The following ARB2A variants were observed in gnomAD, a reference collection of about 807,000 sequenced individuals.
ARB2A encodes cotranscriptional regulator ARB2A.
At chr5:93,620,170 G>A in the ARB2A span, 1 of 152,268 alleles carries the variant, frequency 6.6e-6, no homozygotes, top group South Asian at 2.1e-4. Context: ...ATAACAGTTG[G>A]AAATTCCATT....
At chr5:93,963,127 T>TA in the ARB2A span, among the ~76,000 whole-genome samples, 2 of 151,920 alleles carry the variant, frequency 1.3e-5, no homozygotes, top group African/African-American at 2.4e-5. Context: ...GAAATAAAAT[T>TA]AACAAGAAAG....
At chr5:93,900,984 CA>C in the ARB2A span, among the ~76,000 whole-genome samples, 1 of 152,068 alleles carries the variant, frequency 6.6e-6, no homozygotes, top group African/African-American at 2.4e-5. Context: ...TGTCATATTC[CA>C]AACTTTCTGG....
the ARB2A span, among the ~76,000 whole-genome samples, chr5:93,851,484 G>C: frequency 2.0e-5 from 3 of 152,042 alleles, no homozygotes; most frequent in Non-Finnish European, 4.4e-5. Flanking sequence ...TTAAGTTTTA[G>C]GGTACATGTG....
the ARB2A span, among the ~76,000 whole-genome samples, chr5:93,790,781 A>G: frequency 6.6e-6 from 1 of 152,336 alleles, no homozygotes; most frequent in East Asian, 1.9e-4. Context: ...ATAATCACAG[A>G]GATACAGAGT....
chr5:93,659,429 T>C, the ARB2A span, among the ~76,000 whole-genome samples: 9 of 152,004 alleles, frequency 5.9e-5, no homozygotes, highest in Non-Finnish European at 1.2e-4. Context: ...TGTGAAGTGG[T>C]TTCCATTGGC....
At chr5:94,019,688 G>A in the ARB2A span, among the ~76,000 whole-genome samples, 2 of 152,220 alleles carry the variant, frequency 1.3e-5, no homozygotes, top group East Asian at 3.8e-4. Flanking sequence ...TGGTGGGAGT[G>A]TAAACTAGTT....
chr5:93,674,025 G>T, the ARB2A span, among the ~76,000 whole-genome samples: 1 of 152,096 alleles, frequency 6.6e-6, no homozygotes, highest in African/African-American at 2.4e-5. Context: ...ATATTGGAGG[G>T]ATCATTTATC....
At chr5:93,887,395 C>T in the ARB2A span, among the ~76,000 whole-genome samples, 1 of 151,528 alleles carries the variant, frequency 6.6e-6, no homozygotes, top group African/African-American at 2.4e-5. Flanking sequence ...CATAAAGAAA[C>T]TACAGTTTTA....
At chr5:93,894,520 A>C in the ARB2A span, among the ~76,000 whole-genome samples, 6 of 152,122 alleles carry the variant, frequency 3.9e-5, no homozygotes, top group Non-Finnish European at 8.8e-5. Flanking sequence ...AAAGTGAAGG[A>C]GGATGAATTT....
chr5:93,873,164 C>A, the ARB2A span, among the ~76,000 whole-genome samples: 14 of 151,530 alleles, frequency 9.2e-5, no homozygotes, highest in Non-Finnish European at 1.8e-4. Flanking sequence ...TGGTGGCATG[C>A]ACCTGTAGTC....
the ARB2A span, among the ~76,000 whole-genome samples, chr5:93,891,667 C>T: frequency 1.3e-5 from 2 of 152,000 alleles, no homozygotes; most frequent in African/African-American, 4.8e-5. Context: ...GAAAAGAAAC[C>T]TTATTATGAG....
the ARB2A span, among the ~76,000 whole-genome samples, chr5:93,855,792 A>T: frequency 2.6e-5 from 4 of 152,266 alleles, no homozygotes; most frequent in South Asian, 8.3e-4. Context: ...TGGAAAGGAC[A>T]TGCACACCAA....
chr5:93,941,838 T>A, the ARB2A span, among the ~76,000 whole-genome samples: 1 of 152,120 alleles, frequency 6.6e-6, no homozygotes, highest in Non-Finnish European at 1.5e-5. Context: ...CTTGTAATAT[T>A]TTTCTTAGGA....
chr5:93,946,445 T>C, the ARB2A span, among the ~76,000 whole-genome samples: 2 of 152,076 alleles, frequency 1.3e-5, no homozygotes, highest in African/African-American at 2.4e-5. Flanking sequence ...AATTAGAAAC[T>C]AGAAAATTAT....
chr5:94,032,613 G>C, the ARB2A span, among the ~76,000 whole-genome samples: 1 of 152,132 alleles, frequency 6.6e-6, no homozygotes, highest in Admixed American at 6.5e-5. Context: ...ACAGGCTCAA[G>C]CACACAACCC....
the ARB2A span, among the ~76,000 whole-genome samples, chr5:94,003,914 A>G: frequency 6.6e-6 from 1 of 152,212 alleles, no homozygotes. Context: ...AAACAAAGTG[A>G]GAGAAATTAG....
chr5:94,008,785 C>T, the ARB2A span, among the ~76,000 whole-genome samples: 2 of 152,098 alleles, frequency 1.3e-5, no homozygotes, highest in African/African-American at 4.8e-5. Flanking sequence ...TCAAGACTAT[C>T]TTAATGTAGT....
the ARB2A span, among the ~76,000 whole-genome samples, chr5:93,627,438 G>GTTTGT: frequency 3.7e-5 from 4 of 108,088 alleles, no homozygotes; most frequent in African/African-American, 1.2e-4. Flanking sequence ...TACAAAATGT[G>GTTTGT]TTTTGTTTTT....
chr5:94,015,049 A>G, the ARB2A span, among the ~76,000 whole-genome samples: 1 of 152,074 alleles, frequency 6.6e-6, no homozygotes, highest in South Asian at 2.1e-4. Flanking sequence ...TGAAGGCCAG[A>G]GAGTACCAAA....
Sources: allele counts gnomAD v4.1 joint callset (sites outside exome capture counted in the v4.1 genomes callset), GRCh38; gene constraint gnomAD v4.1.1; transcripts MANE v1.5; gene names NCBI Gene and HGNC (gene_info 2026-07-23, HGNC 2026-07-21).